The following G3BP2 variants were observed in gnomAD, a reference collection of about 807,000 sequenced individuals.
G3BP2 encodes G3BP stress granule assembly factor 2, also known as ras GTPase-activating protein-binding protein 2.
G3BP2 carries 11 observed loss-of-function variants against 56.7 expected under a neutral mutation model. The ratio of observed to expected loss-of-function variants is 0.19; its 90% confidence interval spans 0.12 to 0.32. G3BP2 has a LOEUF of 0.32. G3BP2 is among the 10% of genes least tolerant of loss of function. The probability of loss-of-function intolerance (pLI) is 1.00; values close to 1 mark genes in which losing one functional copy is unlikely to be tolerated. For missense variants in G3BP2, 340 were observed against 610.9 expected (o/e 0.56, Z 4.67); for synonymous variants, 165 against 191.6 (o/e 0.86, Z 1.15).
At chr4:75,719,218 G>T (rs980816105) in intron 3 of G3BP2, among the ~76,000 whole-genome samples, 5 of 150,222 alleles carry the variant, frequency 3.3e-5, no homozygotes, top group Admixed American at 2.7e-4. Context: ...CTTAGTGGCG[G>T]GCGCCTGTAG....
chr4:75,689,428 A>G (rs1157223766), intron 3 of G3BP2, among the ~76,000 whole-genome samples: 1 of 152,170 alleles, frequency 6.6e-6, no homozygotes, highest in African/African-American at 2.4e-5. Context: ...AATAATTCCA[A>G]GAAGACCCAG....
chr4:75,715,693 G>A (rs1055640764), intron 3 of G3BP2, among the ~76,000 whole-genome samples: 1 of 152,214 alleles, frequency 6.6e-6, no homozygotes, highest in African/African-American at 2.4e-5. Flanking sequence ...AAAGGTGCAG[G>A]AAAGAAGACA....
At chr4:75,694,931 T>C in intron 3 of G3BP2, 1 of 985,456 alleles carries the variant, frequency 1.0e-6, no homozygotes, top group Non-Finnish European at 1.2e-6. Context: ...TGAAGGAAAC[T>C]GGAGCAGCAA....
At chr4:75,647,783 G>A (rs2148946834) in intron 9 of G3BP2, among the ~76,000 whole-genome samples, 1 of 152,276 alleles carries the variant, frequency 6.6e-6, no homozygotes, top group Non-Finnish European at 1.5e-5. Flanking sequence ...GACAAATTTA[G>A]GACTTCTAGT....
At chr4:75,702,330 G>A (rs1306312448) in intron 3 of G3BP2, among the ~76,000 whole-genome samples, 1 of 152,100 alleles carries the variant, frequency 6.6e-6, no homozygotes, top group Non-Finnish European at 1.5e-5. Context: ...TTTTTGTAGA[G>A]ATGGGGTTTT....
upstream of G3BP2, among the ~76,000 whole-genome samples, chr4:75,675,445 T>C (rs1733839017): frequency 6.6e-6 from 1 of 152,230 alleles, no homozygotes; most frequent in African/African-American, 2.4e-5. Flanking sequence ...TTTGCACTTC[T>C]AACAAGTTCT....
At chr4:75,722,785 G>C (rs1720226620) in intron 1 of G3BP2, among the ~76,000 whole-genome samples, 1 of 152,142 alleles carries the variant, frequency 6.6e-6, no homozygotes, top group Non-Finnish European at 1.5e-5. Flanking sequence ...GGCTTAAAAT[G>C]TTGGCACTAG....
At chr4:75,672,128 G>A (rs1733534746) in intron 1 of G3BP2, among the ~76,000 whole-genome samples, 1 of 152,130 alleles carries the variant, frequency 6.6e-6, no homozygotes, top group Non-Finnish European at 1.5e-5. Flanking sequence ...GGGAGAACAG[G>A]ACTTTACTAT....
At position 75,690,059 on chromosome 4, in the gene G3BP2, T is replaced by C. The variant is rs1392440331; in HGVS notation, c.-24-28010A>G. On this transcript the variant is annotated intron_variant, in intron 3 of 3. Transcript: ENST00000499709. ...TGGTTTATGCTTTTTTCTGTAAATA[T>C]GTTATATTTCAGGAAAAGTAAAAAA... 2.0e-5 allele frequency among the ~76,000 whole-genome samples: 3 copies of C among 152,298 alleles called. No individual in the cohort carries two copies. The East Asian group carries it at 5.8e-4, about 29-fold the overall frequency.
chr4:75,702,171 A>ATTTTTTT (rs57529973), intron 3 of G3BP2, among the ~76,000 whole-genome samples: 3 of 107,480 alleles, frequency 2.8e-5, no homozygotes, highest in African/African-American at 3.6e-5. Flanking sequence ...AAACCCCCCA[A>ATTTTTTT]TTTTTTTTTT....
At chr4:75,674,726 T>A (rs1348600626), upstream of G3BP2, among the ~76,000 whole-genome samples, 2,272 of 71,074 alleles carry the variant, frequency 0.032, 37 homozygotes, top group Middle Eastern at 0.055. Context: ...ATATTTTTTT[T>A]TTTTTTTTTT....
rs182110755 is a variant in G3BP2 at position 75,651,210 on chromosome 4, G to C, written c.826-2469C>G. Among the ~76,000 whole-genome samples, 8 of 152,268 alleles carry C rather than the reference G, an allele frequency of 5.3e-5. No individual in the cohort carries two copies. The East Asian group carries it at 1.5e-3, about 29-fold the overall frequency. ...GTACTCTGTCAAAGTTTAATAAAGTGAGTGTATTACTGGCAATTAATAAAA... is the reference window on the plus strand; with the variant it reads ...GTACTCTGTCAAAGTTTAATAAAGTCAGTGTATTACTGGCAATTAATAAAA... On this transcript the variant is annotated intron_variant, in intron 8 of 11. Transcript: ENST00000359707.
intron 3 of G3BP2, among the ~76,000 whole-genome samples, chr4:75,691,076 T>G (rs1285138865): frequency 6.6e-6 from 1 of 151,984 alleles, no homozygotes; most frequent in Non-Finnish European, 1.5e-5. Flanking sequence ...ACATTTTGTT[T>G]CATTTATTCT....
intron 3 of G3BP2, among the ~76,000 whole-genome samples, chr4:75,685,518 A>C (rs1383138428): frequency 7.3e-5 from 11 of 151,114 alleles, no homozygotes; most frequent in East Asian, 1.9e-4. Context: ...AAAAAAAAAA[A>C]CCAAAAACAC....
chr4:75,685,005 T>G (rs1718524731), intron 3 of G3BP2, among the ~76,000 whole-genome samples: 1 of 152,104 alleles, frequency 6.6e-6, no homozygotes, highest in Non-Finnish European at 1.5e-5. Context: ...TGACCTCAGT[T>G]TGTCATAACT....
intron 8 of G3BP2, among the ~76,000 whole-genome samples, chr4:75,649,566 A>C (rs1278958698): frequency 6.6e-6 from 1 of 152,190 alleles, no homozygotes; most frequent in Non-Finnish European, 1.5e-5. Flanking sequence ...TTTCCTCAAG[A>C]CAACAGCATT....
chr4:75,646,986 TTAAAA>T, intron 10 of G3BP2, 38 bp downstream of exon 10: 1 of 1,319,626 alleles, frequency 7.6e-7, no homozygotes, highest in Non-Finnish European at 1.0e-6. Context: ...CTTGCTTAAT[TTAAAA>T]TAATTTAAAA....
intron 3 of G3BP2, among the ~76,000 whole-genome samples, chr4:75,718,367 T>C (rs1319753712): frequency 6.6e-6 from 1 of 152,076 alleles, no homozygotes; most frequent in Non-Finnish European, 1.5e-5. Context: ...TACAATGCAA[T>C]GTCAAATTAC....
intron 3 of G3BP2, among the ~76,000 whole-genome samples, chr4:75,703,922 A>G (rs1353233436): frequency 6.6e-6 from 1 of 152,122 alleles, no homozygotes; most frequent in African/African-American, 2.4e-5. Flanking sequence ...CGATGTTTCT[A>G]GGGTATCTCA....
Sources: gnomAD v4.1 joint callset for allele counts (sites outside exome capture counted in the v4.1 genomes callset) on GRCh38, gnomAD v4.1.1 for gene constraint, MANE v1.5 for transcripts, NCBI Gene and HGNC (gene_info 2026-07-23, HGNC 2026-07-21) for gene names.